MARCHF1: variants seen among roughly 807,000 people sequenced by gnomAD.
MARCHF1 encodes membrane associated ring-CH-type finger 1.
In MARCHF1, 40 loss-of-function variants were observed where a neutral mutation model predicts 54.2. That is an observed-to-expected ratio of 0.74 (90% CI 0.57 to 0.96). The LOEUF (loss-of-function observed/expected upper bound fraction) is 0.96. Ranked by LOEUF, MARCHF1 falls within the 40% of genes least tolerant of loss-of-function variation. The probability of loss-of-function intolerance (pLI) is 0.00; values close to 1 mark genes in which losing one functional copy is unlikely to be tolerated. For missense variants in MARCHF1, 586 were observed against 656.5 expected (o/e 0.89, Z 1.17); for synonymous variants, 236 against 236.3 (o/e 1.00, Z 0.01).
intron 1 of MARCHF1, among the ~76,000 whole-genome samples, chr4:164,348,112 AG>A (rs1451307375): frequency 2.0e-5 from 3 of 152,176 alleles, no homozygotes; most frequent in African/African-American, 7.2e-5. Context: ...GCAATTTTCT[AG>A]AAGCAGATGA....
chr4:163,873,088 C>CAAACA lies in MARCHF1; in HGVS notation c.-38-18920_-38-18919insTGTTT, dbSNP rs1553960062. 8.0e-5 allele frequency among the ~76,000 whole-genome samples: 12 copies of CAAACA among 150,644 alleles called. No homozygotes were observed. The East Asian group carries it at 1.2e-3, about 15-fold the overall frequency. On this transcript the variant is annotated intron_variant, in intron 3 of 9. Coordinates refer to ENST00000514618, the MANE Select transcript of MARCHF1 (RefSeq NM_001394959.1). The stretch of plus-strand genomic sequence containing the variant: ...AAACAAAAAAAAACAAACAAACAAA[C>CAAACA]AAAAAAAATGATGAAGTCATAGTTT...
At chr4:164,039,129 T>G (rs989124261) in intron 2 of MARCHF1, among the ~76,000 whole-genome samples, 1 of 152,140 alleles carries the variant, frequency 6.6e-6, no homozygotes, top group Admixed American at 6.6e-5. Flanking sequence ...GGGAGTAAAA[T>G]AATCCATTAG....
chr4:163,904,395 A>G (rs1452912665), intron 3 of MARCHF1, among the ~76,000 whole-genome samples: 5 of 152,188 alleles, frequency 3.3e-5, no homozygotes, highest in Non-Finnish European at 5.9e-5. Context: ...GTTAGTTTTT[A>G]AAGTTTAATA....
In MARCHF1 at chr4:163,742,397, C is replaced by CCCTTCCTTCCTTCCTTCCTTCCTT. The variant is rs201806407; in HGVS notation, c.112-41558_112-41535dup. On this transcript the variant is annotated intron_variant, in intron 4 of 9. Transcript: ENST00000514618. ...CTCCCTCGCTACCTCCTTCCTTCCT[C>CCCTTCCTTCCTTCCTTCCTTCCTT]CCTTCCTTCCTTCCTTCCTTCCTTC... 3.1e-3 allele frequency among the ~76,000 whole-genome samples: 285 copies of CCCTTCCTTCCTTCCTTCCTTCCTT among 91,284 alleles called. 2 individuals carry two copies. Among genetic ancestry groups the CCCTTCCTTCCTTCCTTCCTTCCTT allele is most frequent in the African/African-American group, 0.01 (263 of 25,110 alleles). The allele number at this position is 91,284 out of a possible 152,430, so 59.9% of individuals were successfully genotyped here.
At chr4:163,844,787 T>C (rs1258630793) in intron 4 of MARCHF1, among the ~76,000 whole-genome samples, 3 of 152,196 alleles carry the variant, frequency 2.0e-5, no homozygotes, top group African/African-American at 7.2e-5. Context: ...CAATGCCGAA[T>C]ACTAAACAAT....
At chr4:164,197,481 T>A in intron 1 of MARCHF1, 1 of 1,613,700 alleles carries the variant, frequency 6.2e-7, no homozygotes, top group Non-Finnish European at 8.5e-7. Flanking sequence ...CTGCCAATAC[T>A]TCCAGGCCCC....
At chr4:163,681,167 T>C (rs1014735178) in intron 5 of MARCHF1, among the ~76,000 whole-genome samples, 5 of 152,130 alleles carry the variant, frequency 3.3e-5, no homozygotes, top group African/African-American at 1.2e-4. Context: ...TGCTATCACA[T>C]GCATATGGGA....
intron 2 of MARCHF1, among the ~76,000 whole-genome samples, chr4:164,017,818 G>T (rs577556286): frequency 1.6e-5 from 2 of 125,074 alleles, no homozygotes; most frequent in Non-Finnish European, 3.4e-5. Flanking sequence ...ATATGGAAAT[G>T]CAAAGAACCT....
At chr4:163,666,865 A>G (rs549774774) in intron 5 of MARCHF1, among the ~76,000 whole-genome samples, 1 of 152,288 alleles carries the variant, frequency 6.6e-6, no homozygotes, top group South Asian at 2.1e-4. Context: ...TAAAACTGAA[A>G]AAACCTTGCA....
At chr4:163,592,227 C>T (rs1460539033) in intron 7 of MARCHF1, among the ~76,000 whole-genome samples, 1 of 152,084 alleles carries the variant, frequency 6.6e-6, no homozygotes, top group Non-Finnish European at 1.5e-5. Context: ...AATATGTACT[C>T]TTTTTTACAT....
At position 164,197,315 on chromosome 4, in the gene MARCHF1, T is replaced by C. The variant is rs61734697; in HGVS notation, c.-322-85653A>G. 2.8e-3 allele frequency: 4,562 copies of C among 1,612,140 alleles called. 124 individuals carry two copies. The African/African-American group carries it at 0.054, about 19-fold the overall frequency. On this transcript the variant is annotated intron_variant, in intron 1 of 9. Coordinates refer to ENST00000514618, the MANE Select transcript of MARCHF1 (RefSeq NM_001394959.1). ...AGATATGTGAGTTGCAGGAGAAGCT[T>C]GAACACGTTTTCTCCGTAGTCGTTC...
chr4:163,776,381 A>G (rs1579278095), intron 4 of MARCHF1, among the ~76,000 whole-genome samples: 1 of 150,738 alleles, frequency 6.6e-6, no homozygotes, highest in South Asian at 2.1e-4. Flanking sequence ...TTAATTTATA[A>G]ATAATAAATA....
chr4:164,153,355 T>G (rs939096954), intron 1 of MARCHF1, among the ~76,000 whole-genome samples: 1 of 152,104 alleles, frequency 6.6e-6, no homozygotes. Flanking sequence ...ACACATCTTA[T>G]AGAAGGAATA....
At chr4:163,954,046 T>C (rs1752185704) in intron 3 of MARCHF1, among the ~76,000 whole-genome samples, 1 of 152,186 alleles carries the variant, frequency 6.6e-6, no homozygotes, top group Non-Finnish European at 1.5e-5. Context: ...ATAACAAAAA[T>C]GGCTGCAACT....
intron 1 of MARCHF1, among the ~76,000 whole-genome samples, chr4:164,205,292 AACTTT>A (rs1180501281): frequency 2.6e-5 from 4 of 152,176 alleles, no homozygotes; most frequent in African/African-American, 7.2e-5. Context: ...CTGTGCAAAG[AACTTT>A]ACTTATTTTA....
rs370486295 is a variant in MARCHF1, at chr4:164,349,435, C to CT, written c.-323+34434dup. 2.7e-3 allele frequency among the ~76,000 whole-genome samples: 416 copies of CT among 152,104 alleles called. 1 individual carries two copies. The highest frequency in any genetic ancestry group is 9.3e-3 in the African/African-American group (388 of 41,522). ...CAACATCTTTCAATTTTGAAGTATT[C>CT]TTTTTTTGATAACAATCCCATTCAG... On this transcript the variant is annotated intron_variant, in intron 1 of 9. Coordinates refer to ENST00000514618, the MANE Select transcript of MARCHF1 (RefSeq NM_001394959.1).
intron 2 of MARCHF1, among the ~76,000 whole-genome samples, chr4:164,039,997 C>T (rs1754090312): frequency 1.4e-5 from 2 of 145,078 alleles, no homozygotes. Context: ...ACTATATATG[C>T]TTGTATATAT....
At chr4:163,859,128 C>T (rs1234476803) in intron 3 of MARCHF1, among the ~76,000 whole-genome samples, 1 of 151,996 alleles carries the variant, frequency 6.6e-6, no homozygotes, top group Non-Finnish European at 1.5e-5. Flanking sequence ...GTAATGAAGG[C>T]TTAAATTCTT....
chr4:163,612,476 G>C lies in MARCHF1; in HGVS notation c.805C>G (p.His269Asp). 1 of 1,535,162 alleles carries C rather than the reference G, an allele frequency of 6.5e-7. No individual in the cohort carries two copies. Among genetic ancestry groups the C allele is most frequent in the Non-Finnish European group, 8.7e-7 (1 of 1,146,386 alleles). ...RNHEKSKGRY[H>D]HRDPQLLQSL... is the part of the protein sequence containing the mutation. ...TGCAAGAGCTGAGGATCTCTGTGGT[G>C]ATATCTGCCTTTGCTCTTCTCATGA... Residue 269 changes from histidine (H) to aspartate (D), a missense_variant, in exon 7 of 10, where the codon CAC becomes GAC. Coordinates refer to ENST00000514618, the MANE Select transcript of MARCHF1 (RefSeq NM_001394959.1).
Sources: gnomAD v4.1 joint callset for allele counts (sites outside exome capture counted in the v4.1 genomes callset) on GRCh38, gnomAD v4.1.1 for gene constraint, MANE v1.5 for transcripts, NCBI Gene and HGNC (gene_info 2026-07-23, HGNC 2026-07-21) for gene names.